EEA1: variants seen among roughly 807,000 people sequenced by gnomAD.
EEA1 encodes the protein early endosome antigen 1.
A neutral mutation model predicts 209.2 loss-of-function variants in EEA1; 111 were observed. The observed-to-expected ratio is 0.53, with a 90% confidence interval of 0.45 to 0.62. The LOEUF is 0.62. EEA1 is among the 20% of genes least tolerant of loss of function. EEA1 has a pLI of 0.00. For synonymous variants in EEA1, 536 were observed against 540.6 expected, an observed-to-expected ratio of 0.99 and a Z score of 0.12; for missense variants, 1,343 against 1,530.8, an observed-to-expected ratio of 0.88 and a Z score of 2.05.
intron 3 of EEA1, among the ~76,000 whole-genome samples, chr12:92,864,406 C>T (rs1592744697): frequency 2.0e-5 from 3 of 151,846 alleles, no homozygotes; most frequent in South Asian, 2.1e-4. Flanking sequence ...CTTAAAATGG[C>T]CAAGAAAAAT....
rs1875492832 is a variant in EEA1, at chr12:92,811,381, G to C, written c.2097C>G (p.Asp699Glu). The C allele has an allele frequency of 6.2e-7, 1 of 1,603,884 alleles. No homozygotes were observed. The highest frequency in any genetic ancestry group is 1.3e-5 in the African/African-American group (1 of 74,270). ...QLDQVTAKLQ[D>E]KQEHCSQLES... ...CCAGCTGACTGCAATGTTCTTGCTT[G>C]TCTTGTAACTTTGCAGTGACCTGAT... Residue 699 changes from aspartate to glutamate, a missense_variant, in exon 17 of 29, where the codon GAC (aspartate) becomes GAG (glutamate). By Grantham distance (45) the Asp-to-Glu change is conservative (BLOSUM62 2). Coordinates refer to ENST00000322349, the MANE Select transcript of EEA1 (RefSeq NM_003566.4).
rs1179209841 is a variant in EEA1, at chr12:92,777,603, T to C, written c.3954A>G (p.Arg1318=). The C allele has an allele frequency of 3.7e-6, 6 of 1,612,392 alleles. No homozygotes were observed. Among genetic ancestry groups the C allele is most frequent in the African/African-American group, 1.3e-5 (1 of 74,872 alleles). The change falls in exon 27 of 29, where the codon AGA becomes AGG. Residue 1318 remains arginine (R), a synonymous_variant. Transcript: ENST00000322349. Reference sequence around the variant, plus strand: ...CTGCTGCAGTTGTATTATCCAGCTTTCTTTGCAATTCTAATACTTTGGTTT... The same window carrying C: ...CTGCTGCAGTTGTATTATCCAGCTTCCTTTGCAATTCTAATACTTTGGTTT... ...KLQTKVLELQ[R]KLDNTTAAVQ...
At position 92,929,167 on chromosome 12, in the gene EEA1, G is replaced by T; in HGVS notation, c.-101C>A. ...GGGCGGGAGGGACTGGGCCGGGAGG[G>T]GACCGGGAAGGAGGTCGGGGCGAGG... On this transcript the variant is annotated 5_prime_UTR_variant, in exon 1 of 29. Coordinates refer to ENST00000322349, the MANE Select transcript of EEA1 (RefSeq NM_003566.4). 1 of 1,251,188 alleles carries T rather than the reference G, an allele frequency of 8.0e-7. No individual in the cohort carries two copies. Among genetic ancestry groups the T allele is most frequent in the South Asian group, 1.4e-5 (1 of 72,782 alleles). 77.5% of individuals were successfully genotyped at this position (1,251,188 alleles called of 1,614,324 possible). A position where few individuals can be genotyped will look rare whatever the true frequency, so the allele number is the denominator to read the frequency against.
chr12:92,806,262 T>C (rs1875201755), intron 18 of EEA1, among the ~76,000 whole-genome samples: 2 of 152,154 alleles, frequency 1.3e-5, no homozygotes, highest in South Asian at 4.1e-4. Context: ...AAATCTCTAA[T>C]TAAATTGATT....
At chr12:92,794,369 C>G (rs1282113499) in intron 21 of EEA1, among the ~76,000 whole-genome samples, 1 of 152,168 alleles carries the variant, frequency 6.6e-6, no homozygotes, top group Non-Finnish European at 1.5e-5. Flanking sequence ...ACCCAGCAAT[C>G]CCATTACTGG....
chr12:92,920,896 T>C (rs1341689844), intron 1 of EEA1, among the ~76,000 whole-genome samples: 1 of 150,256 alleles, frequency 6.7e-6, no homozygotes, highest in African/African-American at 2.4e-5. Flanking sequence ...TCAACCAAAT[T>C]TACAAGAAAA....
At chr12:92,844,173 G>A (rs184696190) in intron 9 of EEA1, among the ~76,000 whole-genome samples, 10 of 152,120 alleles carry the variant, frequency 6.6e-5, no homozygotes, top group African/African-American at 1.7e-4. Flanking sequence ...GAAGGTAAGC[G>A]ATTGGACTGA....
At chr12:92,870,985 A>T (rs1350468028) in intron 2 of EEA1, among the ~76,000 whole-genome samples, 1 of 152,210 alleles carries the variant, frequency 6.6e-6, no homozygotes, top group Non-Finnish European at 1.5e-5. Context: ...CTAGGATTAC[A>T]GGCGTGAGCC....
rs530618309 is a variant in EEA1, at chr12:92,909,175, G to A, written c.25-17454C>T. The stretch of plus-strand genomic sequence containing the variant: ...AGCAAAGACAACCCAAAAGCAAAGC[G>A]CACCCTACGTGCTTATACTATGGTC... On this transcript the variant is annotated intron_variant, in intron 1 of 28. Transcript: ENST00000322349. Among the ~76,000 whole-genome samples, 16 of 152,160 alleles carry A rather than the reference G, an allele frequency of 1.1e-4. 1 individual carries two copies. The East Asian group carries it at 2.5e-3, about 24-fold the overall frequency.
chr12:92,777,975 T>C lies in EEA1; in HGVS notation c.3859A>G (p.Asn1287Asp). Residue 1287 changes from asparagine (N) to aspartate (D), a missense_variant, in exon 26 of 29, where the codon AAT becomes GAT. Coordinates refer to ENST00000322349, the MANE Select transcript of EEA1 (RefSeq NM_003566.4). ...EIAVLEATVQNNQDERRALLE... is the reference protein window; with the variant it reads ...EIAVLEATVQDNQDERRALLE... ...AGTGCTCTCCTTTCATCTTGATTAT[T>C]CTGAACCGTTGCTTCTAATACTGCA... The C allele has an allele frequency of 6.2e-7, 1 of 1,613,388 alleles. No homozygotes were observed. The highest frequency in any genetic ancestry group is 8.5e-7 in the Non-Finnish European group (1 of 1,179,506).
chr12:92,868,202 T>C (rs1015001118), intron 2 of EEA1, among the ~76,000 whole-genome samples: 2 of 152,182 alleles, frequency 1.3e-5, no homozygotes, highest in Non-Finnish European at 2.9e-5. Context: ...AACATTGTCT[T>C]CTGAATGAAT....
intron 21 of EEA1, among the ~76,000 whole-genome samples, chr12:92,798,352 T>A (rs1874748623): frequency 2.1e-5 from 3 of 143,862 alleles, no homozygotes; most frequent in Admixed American, 2.0e-4. Flanking sequence ...ATTATTATTA[T>A]TTTTTTTTGA....
chr12:92,794,780 AAAT>A (rs1390131018), intron 21 of EEA1, among the ~76,000 whole-genome samples: 1 of 152,058 alleles, frequency 6.6e-6, no homozygotes, highest in African/African-American at 2.4e-5. Flanking sequence ...TACCTAATGT[AAAT>A]GATGAGTTGA....
Position 92,872,662 on chromosome 12 carries a change from A to C in EEA1, c.118-7675T>G, listed in dbSNP as rs376825334. Reference sequence around the variant, plus strand: ...TGAGGTTTTGTCAAATAAGAATAATAGGATGAGGGGCTGGGCATGGTGGCT... The same window carrying C: ...TGAGGTTTTGTCAAATAAGAATAATCGGATGAGGGGCTGGGCATGGTGGCT... On this transcript the variant is annotated intron_variant, in intron 2 of 28. Coordinates refer to ENST00000322349, the MANE Select transcript of EEA1 (RefSeq NM_003566.4). 1.8e-4 allele frequency among the ~76,000 whole-genome samples: 27 copies of C among 152,290 alleles called. No homozygotes were observed. In the East Asian group the frequency reaches 4.2e-3, roughly 24 times the overall value.
intron 2 of EEA1, among the ~76,000 whole-genome samples, chr12:92,880,616 A>G (rs1285683634): frequency 2.0e-5 from 3 of 152,108 alleles, no homozygotes; most frequent in Non-Finnish European, 4.4e-5. Flanking sequence ...CTGGGACTAC[A>G]GGCACCCACC....
chr12:92,898,598 AAGTTGC>A (rs1879997733), intron 1 of EEA1, among the ~76,000 whole-genome samples: 1 of 151,846 alleles, frequency 6.6e-6, no homozygotes, highest in Non-Finnish European at 1.5e-5. Flanking sequence ...TGGGAGACAG[AAGTTGC>A]AGTGAGCCGA....
chr12:92,821,209 C>A (rs748625001), intron 13 of EEA1: 2 of 152,062 alleles, frequency 1.3e-5, no homozygotes, highest in Non-Finnish European at 2.9e-5. Context: ...CACATTTCAC[C>A]CCCTCATATA....
intron 3 of EEA1, among the ~76,000 whole-genome samples, chr12:92,862,547 G>A (rs1878200237): frequency 6.6e-6 from 1 of 151,686 alleles, no homozygotes. Context: ...AGTAAGCTAT[G>A]ACTATACCAG....
chr12:92,868,160 T>G (rs1878483177), intron 2 of EEA1, among the ~76,000 whole-genome samples: 1 of 152,190 alleles, frequency 6.6e-6, no homozygotes, highest in African/African-American at 2.4e-5. Flanking sequence ...CAGAATACAG[T>G]AATGCCATTA....
Sources: allele counts gnomAD v4.1 joint callset (sites outside exome capture counted in the v4.1 genomes callset), GRCh38; gene constraint gnomAD v4.1.1; transcripts MANE v1.5; gene names NCBI Gene and HGNC (gene_info 2026-07-23, HGNC 2026-07-21).